Variants in ABI2 observed in about 807,000 individuals in gnomAD.
The protein encoded by ABI2 is abl interactor 2.
ABI2 carries 25 observed loss-of-function variants against 59.2 expected under a neutral mutation model. The ratio of observed to expected loss-of-function variants is 0.42; its 90% CI spans 0.31 to 0.59. The LOEUF (loss-of-function observed/expected upper bound fraction) is 0.59, where lower values mean the gene tolerates loss of function less well. Among genes scored for constraint, ABI2 ranks in the 20% least tolerant of loss-of-function variants. The probability of loss-of-function intolerance (pLI) is 0.14; values close to 1 mark genes in which losing one functional copy is unlikely to be tolerated. For synonymous variants in ABI2, 213 were observed against 235.5 expected, an observed-to-expected ratio of 0.90 and a Z score of 0.87; for missense variants, 545 against 681.8, an observed-to-expected ratio of 0.80 and a Z score of 2.23.
intron 11 of ABI2, among the ~76,000 whole-genome samples, chr2:203,422,866 C>T (rs1236939985): frequency 2.0e-5 from 3 of 152,192 alleles, no homozygotes; most frequent in African/African-American, 7.2e-5. Context: ...TCCAGGTTAA[C>T]TTTGCTCTAC....
At chr2:203,367,756 A>G (rs1052337499) in intron 2 of ABI2, among the ~76,000 whole-genome samples, 7 of 152,044 alleles carry the variant, frequency 4.6e-5, no homozygotes, top group African/African-American at 1.7e-4. Context: ...TAATCCCAGC[A>G]CTTTGGGAGG....
rs745899975 is a variant in ABI2, at chr2:203,380,290, A to C, written c.368A>C (p.Lys123Thr). 1.2e-6 allele frequency: 2 copies of C among 1,609,934 alleles called. No individual in the cohort carries two copies. Among genetic ancestry groups the C allele is most frequent in the Admixed American group, 3.4e-5 (2 of 59,310 alleles). Residue 123 changes from lysine (K) to threonine (T), a missense_variant, in exon 3 of 12, where the codon AAG (lysine) becomes ACG (threonine). Around this residue, in one of 4 missense-constraint regions of ABI2, gnomAD observed 410 missense variants for 435.6 expected, o/e 0.94. Transcript: ENST00000261018. ...TTNKNTSRTH[K>T]IIAPANLERP... ...AATAAAAACACTTCAAGGACACATA[A>C]GATTATTGCTCCAGCCAACCTTGAA...
intron 1 of ABI2, among the ~76,000 whole-genome samples, chr2:203,350,726 G>A (rs2087479332): frequency 6.6e-6 from 1 of 151,584 alleles, no homozygotes; most frequent in Admixed American, 6.6e-5. Flanking sequence ...TTTTATTAGA[G>A]ATGGGGTTTC....
intron 1 of ABI2, among the ~76,000 whole-genome samples, chr2:203,361,975 TA>T (rs1479308149): frequency 1.2e-4 from 19 of 152,236 alleles, no homozygotes; most frequent in Admixed American, 1.2e-3. Context: ...TAGCTAAAAA[TA>T]ATTTTTTGTT....
intron 2 of ABI2, among the ~76,000 whole-genome samples, chr2:203,377,818 A>T (rs2095812753): frequency 6.6e-6 from 1 of 152,188 alleles, no homozygotes; most frequent in South Asian, 2.1e-4. Context: ...AGGCGGGAGA[A>T]TCATTTCAGC....
intron 7 of ABI2, 103 bp from the exon 8 acceptor site, chr2:203,396,682 G>A: frequency 8.2e-7 from 1 of 1,218,230 alleles, no homozygotes; most frequent in African/African-American, 1.6e-5. Context: ...TTTGGTTAGT[G>A]TTAAGCACTG....
chr2:203,408,833 C>CTTTTTTTTTTTTTTTTTTTTTTTT (rs1156536730), intron 9 of ABI2, among the ~76,000 whole-genome samples: 2 of 87,204 alleles, frequency 2.3e-5, no homozygotes, highest in Non-Finnish European at 2.4e-5. Context: ...CTTCTCCTTT[C>CTTTTTTTTTTTTTTTTTTTTTTTT]TTTTTTTTTT....
intron 2 of ABI2, among the ~76,000 whole-genome samples, chr2:203,373,842 A>G (rs1243920661): frequency 1.3e-5 from 2 of 152,194 alleles, no homozygotes; most frequent in Non-Finnish European, 2.9e-5. Flanking sequence ...TAAGAACTCA[A>G]CAAGTAGGGT....
chr2:203,409,118 G>A (rs1180031252), intron 9 of ABI2, among the ~76,000 whole-genome samples: 5 of 151,874 alleles, frequency 3.3e-5, no homozygotes, highest in East Asian at 1.9e-4. Context: ...GATTACAGGC[G>A]TGAGCCACCG....
chr2:203,373,367 G>T (rs535176771), intron 2 of ABI2, among the ~76,000 whole-genome samples: 21 of 152,330 alleles, frequency 1.4e-4, no homozygotes, highest in African/African-American at 4.8e-4. Context: ...GCAGGCTGAG[G>T]CAGGAGAATC....
At chr2:203,341,135 G>C (rs909414257) in intron 1 of ABI2, among the ~76,000 whole-genome samples, 1 of 152,148 alleles carries the variant, frequency 6.6e-6, no homozygotes, top group African/African-American at 2.4e-5. Context: ...TGGCTACTCT[G>C]TGTAAAATTA....
intron 11 of ABI2, among the ~76,000 whole-genome samples, chr2:203,424,505 C>T (rs2098354689): frequency 6.6e-6 from 1 of 152,202 alleles, no homozygotes; most frequent in Non-Finnish European, 1.5e-5. Flanking sequence ...AGCGATCCTC[C>T]TGCTTCAGCC....
At chr2:203,364,830 C>A (rs929867483) in intron 1 of ABI2, among the ~76,000 whole-genome samples, 1 of 150,804 alleles carries the variant, frequency 6.6e-6, no homozygotes, top group African/African-American at 2.4e-5. Context: ...GGCTTCTGGG[C>A]TCAAGTCATC....
At chr2:203,396,189 A>G (rs1203684334) in intron 7 of ABI2, among the ~76,000 whole-genome samples, 1 of 152,208 alleles carries the variant, frequency 6.6e-6, no homozygotes, top group Non-Finnish European at 1.5e-5. Flanking sequence ...GTAGTCTCTG[A>G]AAATACTACC....
chr2:203,358,329 G>A (rs1263642258), intron 1 of ABI2, among the ~76,000 whole-genome samples: 1 of 151,648 alleles, frequency 6.6e-6, no homozygotes, highest in Non-Finnish European at 1.5e-5. Context: ...TTTATTTTTT[G>A]TAGAGACAAG....
chr2:203,379,063 T>C (rs1187065241), intron 2 of ABI2, among the ~76,000 whole-genome samples: 2 of 152,186 alleles, frequency 1.3e-5, no homozygotes, highest in East Asian at 3.8e-4. Context: ...TAATTACCTG[T>C]GTATGTGGAG....
intron 2 of ABI2, 65 bp downstream of exon 2, chr2:203,367,109 TA>T: frequency 1.4e-6 from 2 of 1,470,508 alleles, no homozygotes; most frequent in Non-Finnish European, 1.8e-6. Flanking sequence ...AGGCTATCTG[TA>T]ATGCTGGCAG....
In ABI2 at chr2:203,402,310, C is replaced by T. The variant is rs138646383; in HGVS notation, c.1034-266C>T. Among the ~76,000 whole-genome samples the T allele has an allele frequency of 3.2e-3, 485 of 152,322 alleles. 4 individuals are homozygous for T. Among genetic ancestry groups the T allele is most frequent in the African/African-American group, 0.011 (449 of 41,562 alleles). The stretch of plus-strand genomic sequence containing the variant: ...TTGGCCTCCCAAAGTGCTGGGATTA[C>T]AGGCATGAGTCACTGCACCCGGCCC... On this transcript the variant is annotated intron_variant, in intron 8 of 11. Coordinates refer to ENST00000261018, the MANE Select transcript of ABI2 (RefSeq NM_001375670.1).
At chr2:203,408,972 G>C (rs573506623) in intron 9 of ABI2, among the ~76,000 whole-genome samples, 1 of 149,226 alleles carries the variant, frequency 6.7e-6, no homozygotes, top group South Asian at 2.2e-4. Flanking sequence ...CCGAGTAGCT[G>C]GGACTACAGG....
Sources: allele counts gnomAD v4.1 joint callset (sites outside exome capture counted in the v4.1 genomes callset), GRCh38; gene constraint gnomAD v4.1.1; regional missense constraint gnomAD v4.1.1; transcripts MANE v1.5; gene names NCBI Gene and HGNC (gene_info 2026-07-23, HGNC 2026-07-21).